The following PCMTD1 variants were observed in gnomAD, a reference collection of about 807,000 sequenced individuals.
The protein encoded by PCMTD1 is protein-L-isoaspartate (D-aspartate) O-methyltransferase domain containing 1, also known as protein-L-isoaspartate O-methyltransferase domain-containing protein 1.
PCMTD1 carries 12 observed loss-of-function variants against 37.6 expected under a neutral mutation model. That is an observed-to-expected ratio of 0.32 (90% CI 0.20 to 0.52). The LOEUF (loss-of-function observed/expected upper bound fraction) is 0.52, where lower values mean the gene tolerates loss of function less well. Among genes scored for constraint, PCMTD1 ranks in the 20% least tolerant of loss-of-function variants. The pLI, the probability that PCMTD1 is intolerant of heterozygous loss-of-function variation, is 0.97. For missense variants in PCMTD1, 235 were observed against 421.3 expected (o/e 0.56, Z 3.87); for synonymous variants, 117 against 135.8 (o/e 0.86, Z 0.96).
At chr8:51,858,377 G>T (rs1046098083) in intron 2 of PCMTD1, among the ~76,000 whole-genome samples, 1 of 152,212 alleles carries the variant, frequency 6.6e-6, no homozygotes, top group Non-Finnish European at 1.5e-5. Context: ...CTGAGCCATA[G>T]TGTTATAGTT....
chr8:51,865,566 G>A lies in PCMTD1; in HGVS notation c.-95-4320C>T, dbSNP rs72639741. ...GGATGTACCATATTAACAGAATGAG[G>A]ACAAAAACCCTATGATCATTTCAAT... On this transcript the variant is annotated intron_variant, in intron 1 of 5. Transcript: ENST00000522514. 1.5e-3 allele frequency among the ~76,000 whole-genome samples: 222 copies of A among 151,912 alleles called. 2 individuals carry two copies. Among genetic ancestry groups the A allele is most frequent in the Admixed American group, 2.7e-3 (41 of 15,248 alleles).
chr8:51,831,804 G>C (rs2038002359), intron 4 of PCMTD1, among the ~76,000 whole-genome samples: 1 of 152,210 alleles, frequency 6.6e-6, no homozygotes, highest in African/African-American at 2.4e-5. Context: ...ATATGGCCAA[G>C]TGAGTCTGCA....
chr8:51,870,744 C>G (rs936007564), intron 1 of PCMTD1, among the ~76,000 whole-genome samples: 1 of 152,172 alleles, frequency 6.6e-6, no homozygotes, highest in Non-Finnish European at 1.5e-5. Context: ...AGGCTCCTGA[C>G]GCATAATTCA....
intron 1 of PCMTD1, among the ~76,000 whole-genome samples, chr8:51,877,157 T>A (rs1217629752): frequency 6.6e-6 from 1 of 152,228 alleles, no homozygotes; most frequent in Non-Finnish European, 1.5e-5. Context: ...TTTTACTTTT[T>A]GTAGAAAGCG....
At chr8:51,881,247 C>T (rs2038787173) in intron 1 of PCMTD1, among the ~76,000 whole-genome samples, 2 of 66,806 alleles carry the variant, frequency 3.0e-5, no homozygotes, top group Non-Finnish European at 1.6e-4. Flanking sequence ...AATCCAGTGC[C>T]TGTGTTGGTG....
At chr8:51,846,999 CT>C (rs1318076865) in intron 2 of PCMTD1, among the ~76,000 whole-genome samples, 2 of 152,150 alleles carry the variant, frequency 1.3e-5, no homozygotes, top group Non-Finnish European at 2.9e-5. Context: ...AATTAACTTC[CT>C]TTGCAATGTT....
chr8:51,883,209 T>TC (rs1225622208), intron 1 of PCMTD1, among the ~76,000 whole-genome samples: 12 of 152,070 alleles, frequency 7.9e-5, no homozygotes, highest in African/African-American at 2.7e-4. Context: ...CAACAAGGAA[T>TC]ATAATAGCTA....
At chr8:51,855,961 C>G (rs2038382438) in intron 2 of PCMTD1, among the ~76,000 whole-genome samples, 1 of 152,092 alleles carries the variant, frequency 6.6e-6, no homozygotes, top group South Asian at 2.1e-4. Context: ...GCCACCGCGC[C>G]TGGCCCAGAA....
intron 5 of PCMTD1, among the ~76,000 whole-genome samples, chr8:51,822,601 A>G (rs1461081342): frequency 2.0e-5 from 3 of 152,352 alleles, no homozygotes; most frequent in East Asian, 1.9e-4. Context: ...TTTACAAGTA[A>G]TAACTGAATG....
intron 1 of PCMTD1, among the ~76,000 whole-genome samples, chr8:51,868,234 T>C (rs1421306386): frequency 6.6e-6 from 1 of 152,116 alleles, no homozygotes; most frequent in East Asian, 1.9e-4. Flanking sequence ...CATAATTCCT[T>C]ATTTAGTTTT....
At chr8:51,843,647 A>C (rs574371660) in intron 3 of PCMTD1, among the ~76,000 whole-genome samples, 7 of 152,252 alleles carry the variant, frequency 4.6e-5, no homozygotes, top group African/African-American at 1.4e-4. Context: ...TACTTATATA[A>C]GTGGTCTTCA....
intron 2 of PCMTD1, 75 bp from the exon 3 acceptor site, chr8:51,845,838 AT>A: frequency 1.1e-6 from 1 of 946,202 alleles, no homozygotes; most frequent in Non-Finnish European, 1.6e-6. Context: ...AGTTCTGCTC[AT>A]TTATACATCA....
intron 3 of PCMTD1, among the ~76,000 whole-genome samples, chr8:51,836,712 A>T (rs1419834106): frequency 6.6e-6 from 1 of 152,220 alleles, no homozygotes; most frequent in African/African-American, 2.4e-5. Flanking sequence ...CAGAAAAAGC[A>T]TATGCTTATG....
chr8:51,880,982 C>A (rs537294484), intron 1 of PCMTD1, among the ~76,000 whole-genome samples: 2 of 152,300 alleles, frequency 1.3e-5, no homozygotes, highest in East Asian at 3.9e-4. Flanking sequence ...AAACACCATT[C>A]TTAGTTTGCA....
intron 1 of PCMTD1, among the ~76,000 whole-genome samples, chr8:51,863,491 C>T (rs568089326): frequency 6.6e-6 from 1 of 152,322 alleles, no homozygotes; most frequent in African/African-American, 2.4e-5. Flanking sequence ...TTAAAAATTA[C>T]TATAACCCAG....
chr8:51,821,678 T>G (rs2037850340), intron 5 of PCMTD1, among the ~76,000 whole-genome samples: 1 of 150,720 alleles, frequency 6.6e-6, no homozygotes, highest in Non-Finnish European at 1.5e-5. Flanking sequence ...AGAAGAAAAA[T>G]AAGGAATACA....
At chr8:51,891,367 T>C (rs895842516) in intron 1 of PCMTD1, among the ~76,000 whole-genome samples, 5 of 151,950 alleles carry the variant, frequency 3.3e-5, no homozygotes, top group African/African-American at 9.7e-5. Flanking sequence ...CTGGGCAACA[T>C]ACTGAGACAC....
In PCMTD1 at chr8:51,831,487, T is replaced by C. The variant is rs770987774; in HGVS notation, c.663A>G (p.Gln221=). 4.2e-5 allele frequency: 68 copies of C among 1,613,690 alleles called. No homozygotes were observed. Among genetic ancestry groups the C allele is most frequent in the Non-Finnish European group, 5.5e-5 (65 of 1,179,846 alleles). Residue 221 remains glutamine, a synonymous_variant, in exon 5 of 6, where the codon CAA becomes CAG. Coordinates refer to ENST00000522514, the MANE Select transcript of PCMTD1 (RefSeq NM_052937.4). ...GTTTGCCATTATCATTCTTACTTGG[T>C]TGCACAAGTGGAGCAAATGAAACAG... The part of the protein sequence containing the change: ...ILAVSFAPLV[Q]PSKNDNGKPD...
intron 1 of PCMTD1, among the ~76,000 whole-genome samples, chr8:51,879,981 G>C (rs2038769145): frequency 6.6e-6 from 1 of 151,142 alleles, no homozygotes; most frequent in Non-Finnish European, 1.5e-5. Context: ...CCAGGAGTTA[G>C]AGATCAACCT....
Sources: allele counts gnomAD v4.1 joint callset (sites outside exome capture counted in the v4.1 genomes callset), GRCh38; gene constraint gnomAD v4.1.1; transcripts MANE v1.5; gene names NCBI Gene and HGNC (gene_info 2026-07-23, HGNC 2026-07-21).